The following OPN3 variants were observed in gnomAD, a reference collection of about 807,000 sequenced individuals.
OPN3 encodes the protein opsin-3.
In OPN3, 29 loss-of-function variants were observed where a neutral mutation model predicts 33.8. The observed-to-expected ratio is 0.86, with a 90% CI of 0.64 to 1.17. OPN3 has a LOEUF of 1.17. Ranked by LOEUF, OPN3 falls within the 50% of genes most tolerant of loss-of-function variation. The pLI, the probability that OPN3 is intolerant of heterozygous loss-of-function variation, is 0.00. For missense variants in OPN3, 437 were observed against 514.1 expected (o/e 0.85, Z 1.45); for synonymous variants, 216 against 216.1 (o/e 1.00, Z 0.00).
chr1:241,615,637 C>G (rs753702296), intron 1 of OPN3, among the ~76,000 whole-genome samples: 19 of 152,114 alleles, frequency 1.2e-4, no homozygotes, highest in Non-Finnish European at 2.5e-4. Flanking sequence ...GACTAAATTT[C>G]TTTTGTTTGT....
chr1:241,621,281 C>T (rs1282296962), intron 1 of OPN3, among the ~76,000 whole-genome samples: 9 of 151,934 alleles, frequency 5.9e-5, no homozygotes, highest in African/African-American at 1.5e-4. Flanking sequence ...AAGTAGTAGA[C>T]AATCAGAAGA....
chr1:241,631,437 T>C (rs1389258235), intron 1 of OPN3: 1 of 152,078 alleles, frequency 6.6e-6, no homozygotes. Context: ...ATTTTATAGG[T>C]CTATTTCAAG....
At chr1:241,638,436 C>T (rs1282648196) in intron 1 of OPN3, among the ~76,000 whole-genome samples, 1 of 152,170 alleles carries the variant, frequency 6.6e-6, no homozygotes, top group Non-Finnish European at 1.5e-5. Flanking sequence ...AGAAAAGGCA[C>T]TTCAAGGAAA....
chr1:241,616,111 T>C (rs1285127321), intron 1 of OPN3, among the ~76,000 whole-genome samples: 2 of 152,214 alleles, frequency 1.3e-5, no homozygotes, highest in Non-Finnish European at 2.9e-5. Flanking sequence ...CAGTGACCAA[T>C]CGTGGCCAAC....
intron 1 of OPN3, among the ~76,000 whole-genome samples, chr1:241,613,134 T>A (rs1476453671): frequency 6.6e-6 from 1 of 152,260 alleles, no homozygotes; most frequent in Non-Finnish European, 1.5e-5. Flanking sequence ...TGCTTATTTG[T>A]TGAGAAAGTT....
chr1:241,619,368 G>C (rs942933543), intron 1 of OPN3, among the ~76,000 whole-genome samples: 4 of 152,166 alleles, frequency 2.6e-5, no homozygotes, highest in African/African-American at 9.7e-5. Flanking sequence ...CGGGTGCCAG[G>C]CTGAGCCAGC....
Position 241,640,187 on chromosome 1 carries a change from C to A in OPN3, c.68G>T (p.Gly23Val). 1 of 1,383,660 alleles carries A rather than the reference C, an allele frequency of 7.2e-7. No individual in the cohort carries two copies. The highest frequency in any genetic ancestry group is 9.3e-7 in the Non-Finnish European group (1 of 1,074,432). 85.7% of individuals were successfully genotyped at this position (1,383,660 alleles called of 1,614,324 possible). A position where few individuals can be genotyped will look rare whatever the true frequency, so the allele number is the denominator to read the frequency against. The change falls in exon 1 of 4, where the codon GGG (glycine) becomes GTG (valine). Residue 23 changes from glycine to valine, a missense_variant. Transcript: ENST00000366554. The stretch of plus-strand genomic sequence containing the variant: ...GCTCAGTGTCCCCGCCGGCGCCGGC[C>A]CCTCAGCGCCCGCGGCCCCGCCGCC... ...WDGGGAAGAEGPAPAGTLSPA... is the reference protein window; with the variant it reads ...WDGGGAAGAEVPAPAGTLSPA...
chr1:241,635,013 C>G (rs774646910), intron 1 of OPN3: 2 of 1,613,520 alleles, frequency 1.2e-6, no homozygotes, highest in South Asian at 2.2e-5. Context: ...CGACTAACAT[C>G]TGATTTGATT....
chr1:241,615,727 C>T, intron 1 of OPN3: 1 of 409,836 alleles, frequency 2.4e-6, no homozygotes, highest in Non-Finnish European at 5.0e-6. Context: ...TCCCAGATCT[C>T]CGTGACTCCA....
intron 1 of OPN3, among the ~76,000 whole-genome samples, chr1:241,623,107 AC>A (rs751053036): frequency 6.6e-4 from 100 of 151,282 alleles, no homozygotes; most frequent in Non-Finnish European, 1.0e-3. Context: ...AACAAAAAAA[AC>A]AAACAAAAAA....
At chr1:241,609,474 C>T (rs975350846) in intron 1 of OPN3, among the ~76,000 whole-genome samples, 2 of 152,220 alleles carry the variant, frequency 1.3e-5, no homozygotes, top group East Asian at 1.9e-4. Flanking sequence ...TCTGTGCCTT[C>T]GCTGCAAAGC....
intron 1 of OPN3, among the ~76,000 whole-genome samples, chr1:241,628,511 T>C (rs1383108539): frequency 2.6e-5 from 4 of 152,152 alleles, no homozygotes; most frequent in African/African-American, 4.8e-5. Context: ...CCAGGTTCGG[T>C]CACATCTATG....
At chr1:241,633,715 C>G in intron 1 of OPN3, 1 of 1,437,568 alleles carries the variant, frequency 7.0e-7, no homozygotes, top group African/African-American at 1.4e-5. Flanking sequence ...TCTAATTACT[C>G]ATATGGGAAA....
At chr1:241,594,905 G>C in intron 3 of OPN3, 3 of 547,302 alleles carry the variant, frequency 5.5e-6, no homozygotes, top group Non-Finnish European at 9.6e-6. Flanking sequence ...GGAATATGTA[G>C]GACCATTTCA....
chr1:241,635,774 A>C lies in OPN3; in HGVS notation c.373+4108T>G, dbSNP rs146157849. On this transcript the variant is annotated intron_variant, in intron 1 of 3. Coordinates refer to ENST00000366554, the MANE Select transcript of OPN3 (RefSeq NM_014322.3). ...GGGAAGATTGTCCGCCATTTTAGGA[A>C]GTAACAGCGTCTGGTGACAACTGCT... 978 of 1,603,674 alleles carry C rather than the reference A, an allele frequency of 6.1e-4. 6 individuals are homozygous for C. The African/African-American group carries it at 0.011, about 19-fold the overall frequency.
At chr1:241,635,618 A>G in intron 1 of OPN3, 1 of 1,614,130 alleles carries the variant, frequency 6.2e-7, no homozygotes, top group Non-Finnish European at 8.5e-7. Context: ...TGAAAAGCTG[A>G]AACTAGCCCA....
intron 1 of OPN3, among the ~76,000 whole-genome samples, chr1:241,606,574 TAAATA>T (rs1044542502): frequency 6.7e-6 from 1 of 149,746 alleles, no homozygotes; most frequent in African/African-American, 2.4e-5. Context: ...AATAAATAAA[TAAATA>T]AATAAATAAA....
At chr1:241,617,293 A>G (rs1664157468) in intron 1 of OPN3, among the ~76,000 whole-genome samples, 1 of 152,234 alleles carries the variant, frequency 6.6e-6, no homozygotes, top group South Asian at 2.1e-4. Context: ...GTTGTTTCTC[A>G]GCAATGGCGA....
At chr1:241,615,887 C>G (rs41269375) in intron 1 of OPN3, 11,808 of 456,688 alleles carry the variant, frequency 0.026, 216 homozygotes, top group South Asian at 0.039. Context: ...GCACTGGACC[C>G]ATGGAGGCTC....
Sources: allele counts gnomAD v4.1 joint callset (sites outside exome capture counted in the v4.1 genomes callset), GRCh38; gene constraint gnomAD v4.1.1; transcripts MANE v1.5; gene names NCBI Gene and HGNC (gene_info 2026-07-23, HGNC 2026-07-21).